ASB11: variants seen among roughly 807,000 people sequenced by gnomAD.
ASB11 encodes the protein ankyrin repeat and SOCS box protein 11.
A neutral mutation model predicts 20.1 loss-of-function variants in ASB11; 17 were observed. That is an observed-to-expected ratio of 0.85 (90% CI 0.58 to 1.27). The LOEUF (loss-of-function observed/expected upper bound fraction) is 1.27, where lower values mean the gene tolerates loss of function less well. Ranked by LOEUF, ASB11 falls within the 50% of genes most tolerant of loss-of-function variation. The pLI is 0.00. For synonymous variants in ASB11, 107 were observed against 105.6 expected (o/e 1.01, Z -0.08); for missense variants, 259 against 256.9 (o/e 1.01, Z -0.06).
At chrX:15,312,533 C>A (rs1921474100) in intron 1 of ASB11, among the ~76,000 whole-genome samples, 1 of 99,869 alleles carries the variant, frequency 1.0e-5, no homozygotes, top group Non-Finnish European at 2.0e-5. Flanking sequence ...AAAGAGTGCT[C>A]TGGACCTACA....
intron 6 of ASB11, 23 bp from the exon 7 acceptor site, chrX:15,283,652 G>A (rs767246443): frequency 8.5e-7 from 1 of 1,172,223 alleles, no homozygotes; most frequent in East Asian, 3.1e-5. Flanking sequence ...TAAAAATGGT[G>A]TTAACTTCAT....
chrX:15,311,844 C>T (rs1457407918), intron 1 of ASB11, among the ~76,000 whole-genome samples: 2 of 110,831 alleles, frequency 1.8e-5, no homozygotes, highest in Non-Finnish European at 3.8e-5. Flanking sequence ...AGTGTGAATA[C>T]CTATATGTTC....
At chrX:15,287,372 G>C (rs1927416136) in intron 6 of ASB11, among the ~76,000 whole-genome samples, 1 of 113,063 alleles carries the variant, frequency 8.8e-6, no homozygotes, top group East Asian at 2.8e-4. Flanking sequence ...TGTCACCCAG[G>C]CTGGAATGCA....
chrX:15,297,086 G>A (rs1485456052), intron 3 of ASB11, among the ~76,000 whole-genome samples: 1 of 112,369 alleles, frequency 8.9e-6, no homozygotes, highest in East Asian at 2.8e-4. Context: ...AAGGTCAGGA[G>A]ATCAAGACCA....
chrX:15,286,112 G>T (rs1430939973), intron 6 of ASB11, among the ~76,000 whole-genome samples: 1 of 111,314 alleles, frequency 9.0e-6, no homozygotes, highest in Non-Finnish European at 1.9e-5. Flanking sequence ...TGCTAGACAT[G>T]CAGAGTCACA....
chrX:15,312,715 C>T (rs1398530797), intron 1 of ASB11, among the ~76,000 whole-genome samples: 1 of 111,813 alleles, frequency 8.9e-6, no homozygotes, highest in Non-Finnish European at 1.9e-5. Flanking sequence ...TATATTTTCC[C>T]AACAAACATT....
chrX:15,310,134 G>A (rs1921384243), intron 1 of ASB11, among the ~76,000 whole-genome samples: 1 of 109,966 alleles, frequency 9.1e-6, no homozygotes. Flanking sequence ...CTGCCACAGT[G>A]GGGTCTCCTG....
chrX:15,310,006 T>C (rs951838862), intron 1 of ASB11, among the ~76,000 whole-genome samples: 1 of 96,513 alleles, frequency 1.0e-5, no homozygotes, highest in Non-Finnish European at 2.1e-5. Context: ...AAGTCCTTTT[T>C]GTTTCCCAAC....
intron 1 of ASB11, among the ~76,000 whole-genome samples, chrX:15,303,203 A>G (rs1644456588): frequency 1.8e-5 from 2 of 111,330 alleles, no homozygotes; most frequent in Admixed American, 1.9e-4. Context: ...TCCACACCCC[A>G]AAGACTCAAC....
intron 6 of ASB11, among the ~76,000 whole-genome samples, chrX:15,287,472 G>A (rs948888490): frequency 1.6e-4 from 18 of 112,169 alleles, no homozygotes; most frequent in Non-Finnish European, 3.2e-4. Context: ...AACTACAGGC[G>A]CCAGCCACCA....
In ASB11 at chrX:15,308,245, T is replaced by C. The variant is rs772195892; in HGVS notation, c.182-5438A>G. On this transcript the variant is annotated intron_variant, in intron 1 of 6. Coordinates refer to ENST00000480796, the MANE Select transcript of ASB11 (RefSeq NM_080873.3). The stretch of plus-strand genomic sequence containing the variant: ...TACACCCATGTACCTTTTCTACCCA[T>C]TGGCATTTGGCCACCTCTCCTAGTG... 3.6e-5 allele frequency among the ~76,000 whole-genome samples: 4 copies of C among 112,427 alleles called. No homozygotes were observed. In the South Asian group the frequency reaches 1.5e-3, roughly 42 times the overall value.
At chrX:15,285,386 G>A (rs868127837) in intron 6 of ASB11, among the ~76,000 whole-genome samples, 27 of 108,917 alleles carry the variant, frequency 2.5e-4, no homozygotes, top group Non-Finnish European at 4.4e-4. Context: ...TGGTCTACCC[G>A]CCTGGGCCTC....
intron 6 of ASB11, among the ~76,000 whole-genome samples, chrX:15,285,027 T>G (rs1927336777): frequency 1.8e-5 from 2 of 111,861 alleles, no homozygotes. Flanking sequence ...GAAAACTTCT[T>G]TACCTGTTGT....
At chrX:15,289,086 G>A (rs1278514309) in intron 5 of ASB11, among the ~76,000 whole-genome samples, 1 of 112,026 alleles carries the variant, frequency 8.9e-6, no homozygotes, top group Non-Finnish European at 1.9e-5. Context: ...GTTAGTTTCA[G>A]TTCTCGTGTT....
rs764801887 is a variant in ASB11 at position 15,286,663 on chromosome X, C to CAA, written c.847+1216_847+1217dup. On this transcript the variant is annotated intron_variant, in intron 6 of 6. Transcript: ENST00000480796. Reference sequence around the variant, plus strand: ...CTGGAGACAGAGTGAGACTCCATCTCAAAAAAAAAAAAAAAAAAAAAAGTG... The same window carrying CAA: ...CTGGAGACAGAGTGAGACTCCATCTCAAAAAAAAAAAAAAAAAAAAAAAAGTG... Among the ~76,000 whole-genome samples, 96 of 54,277 alleles carry CAA rather than the reference C, an allele frequency of 1.8e-3. 3 individuals are homozygous for CAA. The highest frequency in any genetic ancestry group is 4.9e-3 in the African/African-American group (64 of 13,051). The allele number at this position is 54,277 out of a possible 115,157, so 47.1% of individuals were successfully genotyped here. A position where few individuals can be genotyped will look rare whatever the true frequency, so the allele number is the denominator to read the frequency against.
chrX:15,303,140 A>G (rs1237897219), intron 1 of ASB11, among the ~76,000 whole-genome samples: 1 of 111,156 alleles, frequency 9.0e-6, no homozygotes, highest in Non-Finnish European at 1.9e-5. Flanking sequence ...ATGAAGGGCC[A>G]AGAAAGTCAA....
At position 15,287,983 on chromosome X, in the gene ASB11, C is replaced by T. The variant is rs34025595; in HGVS notation, c.745G>A (p.Asp249Asn). 3,310 of 1,210,595 alleles carry T rather than the reference C, an allele frequency of 2.7e-3. 51 individuals are homozygous for T. In the African/African-American group the frequency reaches 0.05, roughly 18 times the overall value. The part of the protein sequence containing the change: ...SNVEVIHLLT[D>N]YGANLKRRNA... The stretch of plus-strand genomic sequence containing the variant: ...CTACGCTTCAGGTTAGCTCCATAGT[C>T]GGTTAGCAGGTGGATGACCTCCACA... Residue 249 changes from aspartate to asparagine, a missense_variant, in exon 6 of 7, where the codon GAC becomes AAC. Coordinates refer to ENST00000480796, the MANE Select transcript of ASB11 (RefSeq NM_080873.3).
chrX:15,294,057 TA>T (rs1370344948), intron 3 of ASB11, among the ~76,000 whole-genome samples: 1 of 110,365 alleles, frequency 9.1e-6, no homozygotes, highest in Non-Finnish European at 1.9e-5. Flanking sequence ...TAAATAAAAT[TA>T]AAAGATTAAA....
intron 6 of ASB11, among the ~76,000 whole-genome samples, chrX:15,284,904 C>T (rs1021049894): frequency 8.9e-6 from 1 of 111,784 alleles, no homozygotes; most frequent in Non-Finnish European, 1.9e-5. Flanking sequence ...ACTGCATATG[C>T]GAATAGCCAG....
Sources: gnomAD v4.1 joint callset for allele counts (sites outside exome capture counted in the v4.1 genomes callset) on GRCh38, gnomAD v4.1.1 for gene constraint, MANE v1.5 for transcripts, NCBI Gene and HGNC (gene_info 2026-07-23, HGNC 2026-07-21) for gene names.